Variants in GIPC2 observed in about 807,000 individuals in gnomAD.
GIPC2 encodes GIPC PDZ domain containing family member 2.
A neutral mutation model predicts 30.6 loss-of-function variants in GIPC2; 30 were observed. The ratio of observed to expected loss-of-function variants is 0.98; its 90% CI spans 0.73 to 1.33. The LOEUF (loss-of-function observed/expected upper bound fraction) is 1.33, where lower values mean the gene tolerates loss of function less well. Ranked by LOEUF, GIPC2 falls within the 40% of genes most tolerant of loss-of-function variation. GIPC2 has a pLI of 0.00. For missense variants in GIPC2, 414 were observed against 390.3 expected (o/e 1.06, Z -0.51); for synonymous variants, 167 against 150.0 (o/e 1.11, Z -0.83).
chr1:78,115,004 A>G (rs1410485313), intron 3 of GIPC2, among the ~76,000 whole-genome samples: 1 of 152,178 alleles, frequency 6.6e-6, no homozygotes, highest in Non-Finnish European at 1.5e-5. Context: ...TCTATGCTAC[A>G]TACATTTTCC....
chr1:78,130,168 A>T (rs937747621), intron 5 of GIPC2, among the ~76,000 whole-genome samples: 1 of 150,572 alleles, frequency 6.6e-6, no homozygotes, highest in African/African-American at 2.5e-5. Flanking sequence ...CAGTGGCACA[A>T]TCTCGCTCAC....
intron 2 of GIPC2, among the ~76,000 whole-genome samples, chr1:78,094,209 A>C (rs949667446): frequency 1.3e-5 from 2 of 152,242 alleles, no homozygotes; most frequent in African/African-American, 4.8e-5. Context: ...AATGCAGCCA[A>C]TTGAAAAAGC....
At chr1:78,067,463 T>C (rs1031979638) in intron 1 of GIPC2, among the ~76,000 whole-genome samples, 9 of 152,154 alleles carry the variant, frequency 5.9e-5, no homozygotes, top group African/African-American at 2.2e-4. Context: ...TTTTCTTTCT[T>C]TTTTTTGAGA....
chr1:78,071,126 A>G (rs1661609718), intron 1 of GIPC2, among the ~76,000 whole-genome samples: 2 of 152,240 alleles, frequency 1.3e-5, no homozygotes, highest in African/African-American at 4.8e-5. Flanking sequence ...GGCACTGTAT[A>G]TATATAATGA....
In GIPC2 at chr1:78,137,674, A is replaced by C. The variant is rs149584804; in HGVS notation, c.*1931A>C. On this transcript the variant is annotated 3_prime_UTR_variant, in exon 6 of 6. Coordinates refer to ENST00000370759, the MANE Select transcript of GIPC2 (RefSeq NM_017655.6). ...CTATCATCACATTACCTGGGCTTCAACTGGGCCCAAGTACTCTATATACTG... is the reference window on the plus strand; with the variant it reads ...CTATCATCACATTACCTGGGCTTCACCTGGGCCCAAGTACTCTATATACTG... 1.1e-4 allele frequency: 17 copies of C among 152,292 alleles called. No homozygotes were observed. Among genetic ancestry groups the C allele is most frequent in the African/African-American group, 3.8e-4 (16 of 41,564 alleles). The allele number at this position is 152,292 out of a possible 1,614,324, so 9.4% of individuals were successfully genotyped here.
At chr1:78,046,571 G>T (rs1661091427) in intron 1 of GIPC2, among the ~76,000 whole-genome samples, 1 of 152,132 alleles carries the variant, frequency 6.6e-6, no homozygotes, top group Admixed American at 6.5e-5. Context: ...TCTGGCCTTT[G>T]GGAAGCGGGT....
chr1:78,080,785 A>G lies in GIPC2; in HGVS notation c.351A>G (p.Glu117=), dbSNP rs145283613. The G allele has an allele frequency of 2.3e-4, 378 of 1,610,770 alleles. 1 individual carries two copies. The highest frequency in any genetic ancestry group is 2.8e-4 in the African/African-American group (21 of 74,852). ...CCCATGTGAAAGGAATCGAAAAAGA[A>G]GTGAATGTGTATAAATCTGAGGATT... is the stretch of plus-strand genomic sequence containing the variant. ...IFAHVKGIEK[E]VNVYKSEDSL... Residue 117 remains glutamate, a synonymous_variant, in exon 2 of 6, where the codon GAA becomes GAG. Transcript: ENST00000370759.
intron 1 of GIPC2, among the ~76,000 whole-genome samples, chr1:78,050,795 C>T (rs984986565): frequency 4.6e-5 from 7 of 151,938 alleles, no homozygotes; most frequent in East Asian, 3.9e-4. Context: ...CCACCATGCC[C>T]GGCTAATTTT....
chr1:78,107,824 CAAAAAAAAAAAAAAAA>C (rs35134592), intron 3 of GIPC2, among the ~76,000 whole-genome samples: 8 of 28,744 alleles, frequency 2.8e-4, no homozygotes, highest in East Asian at 1.8e-3. Flanking sequence ...AACTCTGTCT[CAAAAAAAAAAAAAAAA>C]AAAAAAAAAA....
intron 2 of GIPC2, among the ~76,000 whole-genome samples, chr1:78,084,008 G>C (rs1287355990): frequency 6.6e-6 from 1 of 152,120 alleles, no homozygotes; most frequent in Non-Finnish European, 1.5e-5. Context: ...CTGAAGTCAA[G>C]TTCTGGTGTT....
chr1:78,106,245 A>AAG (rs1557544612), intron 3 of GIPC2, among the ~76,000 whole-genome samples: 1 of 144,940 alleles, frequency 6.9e-6, no homozygotes, highest in African/African-American at 2.6e-5. Flanking sequence ...AAAAAAAAAA[A>AAG]AAAAAAGAAA....
At chr1:78,096,730 C>A (rs1280879169) in intron 3 of GIPC2, among the ~76,000 whole-genome samples, 2 of 152,146 alleles carry the variant, frequency 1.3e-5, no homozygotes, top group Non-Finnish European at 2.9e-5. Context: ...CCGGCTGTTG[C>A]CTCATGAAAT....
chr1:78,130,017 A>T (rs1379476877), intron 5 of GIPC2, among the ~76,000 whole-genome samples: 1 of 151,382 alleles, frequency 6.6e-6, no homozygotes, highest in Non-Finnish European at 1.5e-5. Flanking sequence ...TGGAGCAGAT[A>T]TGAAGTCTGT....
chr1:78,056,010 G>T (rs559816264), intron 1 of GIPC2, among the ~76,000 whole-genome samples: 2 of 152,092 alleles, frequency 1.3e-5, no homozygotes, highest in Non-Finnish European at 2.9e-5. Context: ...TACTTGTGCT[G>T]CAGGACTTGC....
chr1:78,135,891 T>A lies in GIPC2; in HGVS notation c.*148T>A. 1 of 605,824 alleles carries A rather than the reference T, an allele frequency of 1.7e-6. No homozygotes were observed. The highest frequency in any genetic ancestry group is 2.7e-6 in the Non-Finnish European group (1 of 376,922). The allele number at this position is 605,824 out of a possible 1,614,324, so 37.5% of individuals were successfully genotyped here. A position where few individuals can be genotyped will look rare whatever the true frequency, so the allele number is the denominator to read the frequency against. ...TATATTCTTTGAAATATAATTTTGG[T>A]AATTTTGATTTCTGGGCACTTTTTA... is the stretch of plus-strand genomic sequence containing the variant. On this transcript the variant is annotated 3_prime_UTR_variant, in exon 6 of 6. Coordinates refer to ENST00000370759, the MANE Select transcript of GIPC2 (RefSeq NM_017655.6).
At chr1:78,063,041 C>G (rs1247502163) in intron 1 of GIPC2, among the ~76,000 whole-genome samples, 1 of 152,102 alleles carries the variant, frequency 6.6e-6, no homozygotes, top group Admixed American at 6.5e-5. Context: ...CTTAGCAGAC[C>G]CAAAGGCTTC....
At chr1:78,085,334 G>A (rs1198693604) in intron 2 of GIPC2, among the ~76,000 whole-genome samples, 1 of 152,186 alleles carries the variant, frequency 6.6e-6, no homozygotes, top group Non-Finnish European at 1.5e-5. Flanking sequence ...TGATTTGCAA[G>A]TATTTTGTTG....
At chr1:78,106,344 G>A (rs1254891776) in intron 3 of GIPC2, among the ~76,000 whole-genome samples, 2 of 151,998 alleles carry the variant, frequency 1.3e-5, no homozygotes, top group Non-Finnish European at 2.9e-5. Flanking sequence ...CGGATCACGA[G>A]GTCAGGAGAT....
chr1:78,091,802 A>C (rs485005), intron 2 of GIPC2: 1 of 776,550 alleles, frequency 1.3e-6, no homozygotes, highest in African/African-American at 1.7e-5. Context: ...AGAAGTGACT[A>C]GAAAACTTTC....
Sources: gnomAD v4.1 joint callset for allele counts (sites outside exome capture counted in the v4.1 genomes callset) on GRCh38, gnomAD v4.1.1 for gene constraint, MANE v1.5 for transcripts, NCBI Gene and HGNC (gene_info 2026-07-23, HGNC 2026-07-21) for gene names.